Variants in PPFIA2 observed in about 807,000 individuals in gnomAD.
The protein encoded by PPFIA2 is PPFI scaffold protein A2.
A neutral mutation model predicts 175.5 loss-of-function variants in PPFIA2; 46 were observed. That is an observed-to-expected ratio of 0.26 (90% CI 0.21 to 0.34). The LOEUF is 0.34. Ranked by LOEUF, PPFIA2 falls within the 10% of genes least tolerant of loss-of-function variation. PPFIA2 has a pLI of 1.00. For missense variants in PPFIA2, 1,179 were observed against 1,506.1 expected (o/e 0.78, Z 3.60); for synonymous variants, 568 against 511.4 (o/e 1.11, Z -1.49).
At chr12:81,562,323 T>C (rs906595043) in intron 4 of PPFIA2, among the ~76,000 whole-genome samples, 13 of 152,162 alleles carry the variant, frequency 8.5e-5, no homozygotes, top group Non-Finnish European at 1.9e-4. Context: ...TCTTTGAATA[T>C]AAAATTATAA....
chr12:81,440,209 T>C (rs2049909247), intron 6 of PPFIA2, among the ~76,000 whole-genome samples, 163 bp from the exon 7 acceptor site: 1 of 152,170 alleles, frequency 6.6e-6, no homozygotes, highest in African/African-American at 2.4e-5. Flanking sequence ...ATACAATGAA[T>C]GCATTGTCAC....
At chr12:81,442,260 C>T (rs188594030) in intron 6 of PPFIA2, among the ~76,000 whole-genome samples, 50 of 151,948 alleles carry the variant, frequency 3.3e-4, no homozygotes, top group African/African-American at 1.2e-3. Flanking sequence ...ATAAAAAATT[C>T]TGAATATATT....
chr12:81,543,767 T>C (rs1232134585), intron 4 of PPFIA2, among the ~76,000 whole-genome samples: 1 of 152,164 alleles, frequency 6.6e-6, no homozygotes, highest in Non-Finnish European at 1.5e-5. Context: ...TCAACAGTGA[T>C]ATGTAATATT....
intron 21 of PPFIA2, among the ~76,000 whole-genome samples, chr12:81,332,452 G>A (rs377319180): frequency 2.0e-5 from 3 of 151,884 alleles, no homozygotes; most frequent in Non-Finnish European, 4.4e-5. Flanking sequence ...TTTCAAATAC[G>A]TAGGAAGATT....
At chr12:81,355,605 A>G (rs1266231428) in intron 16 of PPFIA2, among the ~76,000 whole-genome samples, 1 of 152,186 alleles carries the variant, frequency 6.6e-6, no homozygotes, top group Non-Finnish European at 1.5e-5. Context: ...ATCCTCATGA[A>G]TTATCGTAGC....
chr12:81,272,652 G>A (rs1386808624), intron 28 of PPFIA2, among the ~76,000 whole-genome samples: 1 of 151,718 alleles, frequency 6.6e-6, no homozygotes, highest in Non-Finnish European at 1.5e-5. Context: ...TTTTATCATC[G>A]TGGTTTTCCT....
chr12:81,754,502 T>C (rs1005974560), intron 2 of PPFIA2, among the ~76,000 whole-genome samples: 1 of 152,352 alleles, frequency 6.6e-6, no homozygotes, highest in East Asian at 1.9e-4. Context: ...TTGTTGTTCA[T>C]GATTTATCCC....
At chr12:81,362,857 A>AT (rs917576171) in intron 14 of PPFIA2, 73 bp from the exon 15 acceptor site, 155 of 910,606 alleles carry the variant, frequency 1.7e-4, no homozygotes, top group African/African-American at 1.5e-3. Flanking sequence ...AGTCTTAATG[A>AT]TTTTTTTTAA....
At chr12:81,563,678 C>T (rs575018695) in intron 4 of PPFIA2, among the ~76,000 whole-genome samples, 1 of 152,162 alleles carries the variant, frequency 6.6e-6, no homozygotes, top group Admixed American at 6.5e-5. Context: ...TTAAAATCAG[C>T]TAATTGAACT....
intron 7 of PPFIA2, among the ~76,000 whole-genome samples, chr12:81,418,029 T>G (rs1362942167): frequency 6.6e-6 from 1 of 151,852 alleles, no homozygotes; most frequent in East Asian, 1.9e-4. Flanking sequence ...CAACCACAGT[T>G]TTACGTTGTT....
At chr12:81,282,302 T>G (rs2042255199) in intron 26 of PPFIA2, among the ~76,000 whole-genome samples, 1 of 152,088 alleles carries the variant, frequency 6.6e-6, no homozygotes, top group African/African-American at 2.4e-5. Context: ...CCTCTTCTTT[T>G]GTGTGTTCTC....
At chr12:81,586,971 A>G (rs2075384899) in intron 4 of PPFIA2, among the ~76,000 whole-genome samples, 1 of 152,026 alleles carries the variant, frequency 6.6e-6, no homozygotes. Context: ...AAGATTCCAT[A>G]TATATTCCAT....
chr12:81,632,567 A>G (rs1394093308), intron 4 of PPFIA2, among the ~76,000 whole-genome samples: 2 of 152,130 alleles, frequency 1.3e-5, no homozygotes, highest in African/African-American at 4.8e-5. Context: ...GAAAAACTCT[A>G]TATTGAGCTG....
intron 4 of PPFIA2, among the ~76,000 whole-genome samples, chr12:81,529,559 A>AAGAG (rs60373881): frequency 0.31 from 45,445 of 145,490 alleles, 7,179 homozygotes; most frequent in African/African-American, 0.39. Context: ...GGGCAGTGGA[A>AAGAG]AGAGAGAGAG....
chr12:81,443,917 C>T (rs1420436481), intron 6 of PPFIA2, among the ~76,000 whole-genome samples: 3 of 130,134 alleles, frequency 2.3e-5, no homozygotes, highest in Admixed American at 8.9e-5. Context: ...TGCAGTGGCG[C>T]GATCTGGGCT....
intron 4 of PPFIA2, among the ~76,000 whole-genome samples, chr12:81,662,240 C>CA (rs1376582123): frequency 4.6e-5 from 7 of 152,008 alleles, no homozygotes; most frequent in African/African-American, 1.7e-4. Context: ...AAAAACCCTT[C>CA]AAAAAATCAA....
At chr12:81,719,138 T>C (rs2079014332) in intron 3 of PPFIA2, among the ~76,000 whole-genome samples, 2 of 151,680 alleles carry the variant, frequency 1.3e-5, no homozygotes, top group South Asian at 4.1e-4. Flanking sequence ...AATAGTGGTA[T>C]CTTGTGACTT....
intron 4 of PPFIA2, among the ~76,000 whole-genome samples, chr12:81,635,189 G>A (rs2063844477): frequency 6.6e-6 from 1 of 152,078 alleles, no homozygotes; most frequent in African/African-American, 2.4e-5. Context: ...AAATCAAGGT[G>A]GGCATACTTT....
At chr12:81,268,598 G>T (rs1216336547) in intron 28 of PPFIA2, among the ~76,000 whole-genome samples, 2 of 152,182 alleles carry the variant, frequency 1.3e-5, no homozygotes, top group Non-Finnish European at 2.9e-5. Flanking sequence ...ATTTAAAAAA[G>T]TTGTTATTTT....
Sources: gnomAD v4.1 joint callset for allele counts (sites outside exome capture counted in the v4.1 genomes callset) on GRCh38, gnomAD v4.1.1 for gene constraint, MANE v1.5 for transcripts, NCBI Gene and HGNC (gene_info 2026-07-23, HGNC 2026-07-21) for gene names.